LIMD1: variants seen among roughly 807,000 people sequenced by gnomAD.
The protein encoded by LIMD1 is LIM domain containing 1, also known as LIM domain-containing protein 1.
A neutral mutation model predicts 58.4 loss-of-function variants in LIMD1; 23 were observed. The ratio of observed to expected loss-of-function variants is 0.39; its 90% confidence interval spans 0.28 to 0.56. LIMD1 has a LOEUF of 0.56. LIMD1 is among the 20% of genes least tolerant of loss of function. The pLI is 0.57. For missense variants in LIMD1, 838 were observed against 855.5 expected (o/e 0.98, Z 0.25); for synonymous variants, 334 against 345.5 (o/e 0.97, Z 0.37).
intron 2 of LIMD1, among the ~76,000 whole-genome samples, chr3:45,653,646 A>G (rs999464038): frequency 6.6e-6 from 1 of 152,222 alleles, no homozygotes; most frequent in Admixed American, 6.5e-5. Flanking sequence ...GTTGTGGCCT[A>G]TGCCTCTAAT....
At position 45,681,164 on chromosome 3, in the gene LIMD1, A is replaced by G. The variant is rs1433191814; in HGVS notation, c.*4105A>G. The stretch of plus-strand genomic sequence containing the variant: ...TTTCCTCTGTGTCTTTTCTTTTACT[A>G]TAAAGTGATTCAGAATTTTACTGTT... On this transcript the variant is annotated 3_prime_UTR_variant, in exon 8 of 8. Coordinates refer to ENST00000273317, the MANE Select transcript of LIMD1 (RefSeq NM_014240.3). 3.9e-5 allele frequency: 6 copies of G among 152,200 alleles called. No homozygotes were observed. The highest frequency in any genetic ancestry group is 1.4e-4 in the African/African-American group (6 of 41,438). The allele number at this position is 152,200 out of a possible 1,614,324, so 9.4% of individuals were successfully genotyped here.
intron 6 of LIMD1, 74 bp downstream of exon 6, chr3:45,673,579 C>G (rs1697622349): frequency 8.3e-7 from 1 of 1,198,744 alleles, no homozygotes; most frequent in Admixed American, 1.7e-5. Context: ...TTTACAAGAT[C>G]CATGTCCTGT....
intron 1 of LIMD1, among the ~76,000 whole-genome samples, chr3:45,626,778 G>T (rs1188346948): frequency 6.6e-6 from 1 of 151,778 alleles, no homozygotes. Context: ...TGTGACAAGT[G>T]TACCACTCTG....
chr3:45,659,593 CATAT>C (rs996852020), intron 2 of LIMD1, among the ~76,000 whole-genome samples: 5 of 139,786 alleles, frequency 3.6e-5, no homozygotes, highest in African/African-American at 1.4e-4. Flanking sequence ...AAACCCCAAA[CATAT>C]ATATATGCTA....
chr3:45,652,411 T>C (rs1175176199), intron 2 of LIMD1, among the ~76,000 whole-genome samples: 1 of 152,220 alleles, frequency 6.6e-6, no homozygotes, highest in African/African-American at 2.4e-5. Context: ...TTTCCATAGA[T>C]TGATTATTCT....
chr3:45,668,798 A>G (rs528481689), intron 4 of LIMD1, among the ~76,000 whole-genome samples: 29 of 151,528 alleles, frequency 1.9e-4, no homozygotes, highest in Non-Finnish European at 3.8e-4. Flanking sequence ...GCTTGTTCTA[A>G]TAGAACCCAC....
chr3:45,620,644 G>A lies in LIMD1; in HGVS notation c.1409-15506G>A, dbSNP rs184341259. On this transcript the variant is annotated intron_variant, in intron 1 of 7. Transcript: ENST00000273317. The stretch of plus-strand genomic sequence containing the variant: ...CTCTATTAAAAATTAGCTAGAAATC[G>A]CTTGAACCTGGGGGGCAGAAGTTGC... 6.2e-4 allele frequency among the ~76,000 whole-genome samples: 95 copies of A among 152,120 alleles called. 2 individuals carry two copies. The highest frequency in any genetic ancestry group is 2.1e-3 in the African/African-American group (89 of 41,484).
At chr3:45,650,502 C>T (rs1701957099) in intron 2 of LIMD1, among the ~76,000 whole-genome samples, 1 of 145,424 alleles carries the variant, frequency 6.9e-6, no homozygotes, top group South Asian at 2.3e-4. Flanking sequence ...CCACCCCCCC[C>T]AACAGGCCCC....
At chr3:45,624,688 A>G (rs1271098295) in intron 1 of LIMD1, among the ~76,000 whole-genome samples, 1 of 152,106 alleles carries the variant, frequency 6.6e-6, no homozygotes, top group Non-Finnish European at 1.5e-5. Context: ...GCGCCACTGC[A>G]CTCCAGCCTG....
chr3:45,634,438 A>T (rs532078155), intron 1 of LIMD1, among the ~76,000 whole-genome samples: 1 of 152,348 alleles, frequency 6.6e-6, no homozygotes, highest in Non-Finnish European at 1.5e-5. Flanking sequence ...CTGTTCACAG[A>T]GCCCATGTGA....
intron 1 of LIMD1, among the ~76,000 whole-genome samples, chr3:45,611,283 C>G (rs1701520104): frequency 6.6e-6 from 1 of 152,212 alleles, no homozygotes; most frequent in Non-Finnish European, 1.5e-5. Flanking sequence ...GGCCAAATGC[C>G]TGATGCAAGG....
chr3:45,631,583 C>T (rs908498785), intron 1 of LIMD1, among the ~76,000 whole-genome samples: 1 of 152,060 alleles, frequency 6.6e-6, no homozygotes, highest in East Asian at 1.9e-4. Flanking sequence ...GTCAGCAGCC[C>T]GAAGGACTCA....
At position 45,642,121 on chromosome 3, in the gene LIMD1, C is replaced by T. The variant is rs148771689; in HGVS notation, c.1510+5870C>T. Among the ~76,000 whole-genome samples, 256 of 152,254 alleles carry T rather than the reference C, an allele frequency of 1.7e-3. 1 individual carries two copies. Among genetic ancestry groups the T allele is most frequent in the Non-Finnish European group, 3.0e-3 (205 of 68,016 alleles). On this transcript the variant is annotated intron_variant, in intron 2 of 7. Coordinates refer to ENST00000273317, the MANE Select transcript of LIMD1 (RefSeq NM_014240.3). ...TTCCCTTACACGGATATGAACATTT[C>T]CCCATCTGCTGATGAGAAGCAGCAA... is the stretch of plus-strand genomic sequence containing the variant.
At chr3:45,613,546 A>G (rs1701546494) in intron 1 of LIMD1, among the ~76,000 whole-genome samples, 2 of 147,940 alleles carry the variant, frequency 1.4e-5, no homozygotes, top group Non-Finnish European at 3.0e-5. Context: ...GTATGGATAC[A>G]CCACAAGATT....
chr3:45,662,770 G>T (rs1000092219), intron 2 of LIMD1, among the ~76,000 whole-genome samples: 1 of 152,166 alleles, frequency 6.6e-6, no homozygotes, highest in Non-Finnish European at 1.5e-5. Context: ...GCCGAGGTGG[G>T]TGGATCACCT....
chr3:45,666,586 C>G (rs1697522265), intron 3 of LIMD1, among the ~76,000 whole-genome samples: 1 of 152,106 alleles, frequency 6.6e-6, no homozygotes, highest in African/African-American at 2.4e-5. Context: ...CCAGATCCCC[C>G]CAACAGCCTT....
chr3:45,641,090 G>A (rs931898208), intron 2 of LIMD1, among the ~76,000 whole-genome samples: 6 of 152,216 alleles, frequency 3.9e-5, no homozygotes, highest in Non-Finnish European at 5.9e-5. Flanking sequence ...GGTCCTGAGT[G>A]TGTCTCTGTG....
Position 45,594,842 on chromosome 3 carries a change from CACGG to C in LIMD1, c.-37_-34del. The C allele has an allele frequency of 7.3e-7, 1 of 1,364,952 alleles. No individual in the cohort carries two copies. Among genetic ancestry groups the C allele is most frequent in the Non-Finnish European group, 1.0e-6 (1 of 981,188 alleles). The allele number at this position is 1,364,952 out of a possible 1,614,324, so 84.6% of individuals were successfully genotyped here. A position where few individuals can be genotyped will look rare whatever the true frequency, so the allele number is the denominator to read the frequency against. ...ACACACACACACACACACACACACA[CACGG>C]CACCTGGGCTAGGCCCGGACACCTG... On this transcript the variant is annotated 5_prime_UTR_variant, in exon 1 of 8. Transcript: ENST00000273317.
intron 1 of LIMD1, among the ~76,000 whole-genome samples, chr3:45,621,791 G>A (rs888832897): frequency 6.6e-5 from 10 of 152,096 alleles, no homozygotes; most frequent in East Asian, 1.9e-4. Context: ...CAGGCTGGGC[G>A]CGGTGGCTCA....
Sources: allele counts gnomAD v4.1 joint callset (sites outside exome capture counted in the v4.1 genomes callset), GRCh38; gene constraint gnomAD v4.1.1; transcripts MANE v1.5; gene names NCBI Gene and HGNC (gene_info 2026-07-23, HGNC 2026-07-21).